MYPN: variants seen among roughly 807,000 people sequenced by gnomAD.
MYPN encodes myopalladin.
In MYPN, 63 loss-of-function variants were observed where a neutral mutation model predicts 129.4. The observed-to-expected ratio is 0.49, with a 90% CI of 0.40 to 0.60. The LOEUF is 0.60. MYPN is among the 20% of genes least tolerant of loss of function. The pLI is 0.00. For missense variants in MYPN, 1,596 were observed against 1,635.4 expected (o/e 0.98, Z 0.42); for synonymous variants, 629 against 600.9 (o/e 1.05, Z -0.68).
chr10:68,170,110 T>C (rs1254850558), intron 10 of MYPN, among the ~76,000 whole-genome samples: 1 of 152,202 alleles, frequency 6.6e-6, no homozygotes, highest in African/African-American at 2.4e-5. Context: ...CAAAATCTGC[T>C]TCTGCCTCTT....
At chr10:68,194,218 T>C in intron 13 of MYPN, 145 bp from the exon 14 acceptor site, 1 of 713,696 alleles carries the variant, frequency 1.4e-6, no homozygotes. Context: ...CCATTTTTAA[T>C]ATGTTTTATA....
In MYPN at chr10:68,188,938, A is replaced by C; in HGVS notation, c.2737A>C (p.Met913Leu). The stretch of plus-strand genomic sequence containing the variant: ...AATTTCAAGCTTTGAGCAGAGGCTG[A>C]TGAATGAAATAGAGTTTCGCTTGGA... Reference protein sequence around the residue: ...YKISSFEQRLMNEIEFRLERT... With the variant: ...YKISSFEQRLLNEIEFRLERT... Residue 913 changes from methionine to leucine, a missense_variant, in exon 13 of 20, where the codon ATG (methionine) becomes CTG (leucine). Coordinates refer to ENST00000358913, the MANE Select transcript of MYPN (RefSeq NM_032578.4). The C allele has an allele frequency of 6.2e-7, 1 of 1,614,102 alleles. No individual in the cohort carries two copies. The highest frequency in any genetic ancestry group is 8.5e-7 in the Non-Finnish European group (1 of 1,180,016).
chr10:68,127,069 C>G (rs537922959), intron 2 of MYPN, among the ~76,000 whole-genome samples: 2 of 152,262 alleles, frequency 1.3e-5, no homozygotes, highest in South Asian at 4.1e-4. Flanking sequence ...ACTGCAACCT[C>G]CACCTCCTGG....
intron 2 of MYPN, chr10:68,136,250 C>G: frequency 1.0e-6 from 1 of 987,134 alleles, no homozygotes; most frequent in Non-Finnish European, 1.2e-6. Flanking sequence ...GCAAGCCATC[C>G]TTGTGCGTGA....
intron 6 of MYPN, among the ~76,000 whole-genome samples, chr10:68,157,400 C>A (rs1451016530): frequency 6.6e-6 from 1 of 152,124 alleles, no homozygotes; most frequent in African/African-American, 2.4e-5. Flanking sequence ...GGCCATAGAA[C>A]CCTTCCACAT....
chr10:68,093,520 C>T (rs1205788134), intron 1 of MYPN, among the ~76,000 whole-genome samples: 1 of 147,850 alleles, frequency 6.8e-6, no homozygotes, highest in Non-Finnish European at 1.5e-5. Flanking sequence ...AGGCAAATCA[C>T]GAGGTCAGCA....
chr10:68,105,479 A>G (rs1025598190), upstream of MYPN, among the ~76,000 whole-genome samples: 5 of 152,238 alleles, frequency 3.3e-5, no homozygotes, highest in African/African-American at 9.6e-5. Context: ...GAGTACATAC[A>G]TGGTAACAAT....
Position 68,210,568 on chromosome 10 carries a change from A to G in MYPN, c.*113A>G. 5.5e-6 allele frequency: 7 copies of G among 1,264,698 alleles called. No individual in the cohort carries two copies. Among genetic ancestry groups the G allele is most frequent in the Non-Finnish European group, 8.0e-6 (7 of 876,266 alleles). The allele number at this position is 1,264,698 out of a possible 1,614,324, so 78.3% of individuals were successfully genotyped here. A position where few individuals can be genotyped will look rare whatever the true frequency, so the allele number is the denominator to read the frequency against. On this transcript the variant is annotated 3_prime_UTR_variant, in exon 20 of 20. Transcript: ENST00000358913. The stretch of plus-strand genomic sequence containing the variant: ...GTTGAGTAAGTTCCCACACTGCTGG[A>G]CCTGTGGCAAAGAGTGCTTTGAATA...
At position 68,109,568 on chromosome 10, in the gene MYPN, C is replaced by T. The variant is rs1200873134; in HGVS notation, c.-157C>T. 3 of 453,970 alleles carry T rather than the reference C, an allele frequency of 6.6e-6. No individual in the cohort carries two copies. Among genetic ancestry groups the T allele is most frequent in the Non-Finnish European group, 1.3e-5 (3 of 226,808 alleles). 28.1% of individuals were successfully genotyped at this position (453,970 alleles called of 1,614,324 possible). A position where few individuals can be genotyped will look rare whatever the true frequency, so the allele number is the denominator to read the frequency against. ...ATCTTCACTGAAACTAAGGTTAACT[C>T]CTCACTCTCTATGGACGGCTACTCT... On this transcript the variant is annotated 5_prime_UTR_variant, in exon 1 of 20. Transcript: ENST00000358913.
rs2255382 is a variant in MYPN at position 68,163,789 on chromosome 10, G to A, written c.1484-1913G>A. Among the ~76,000 whole-genome samples, 842 of 152,276 alleles carry A rather than the reference G, an allele frequency of 5.5e-3. 11 individuals are homozygous for A. The highest frequency in any genetic ancestry group is 0.019 in the African/African-American group (810 of 41,558). ...AGGATCTAGTGCTACGTGACTTTTAGTGACAAAGGAAGTGGGTCAAAGTGC... is the reference window on the plus strand; with the variant it reads ...AGGATCTAGTGCTACGTGACTTTTAATGACAAAGGAAGTGGGTCAAAGTGC... On this transcript the variant is annotated intron_variant, in intron 8 of 19. Coordinates refer to ENST00000358913, the MANE Select transcript of MYPN (RefSeq NM_032578.4).
chr10:68,121,139 G>A (rs2042234674), intron 1 of MYPN, among the ~76,000 whole-genome samples: 1 of 152,162 alleles, frequency 6.6e-6, no homozygotes, highest in Admixed American at 6.5e-5. Context: ...TCAGCTGGGT[G>A]TGGTGGCACA....
intron 1 of MYPN, chr10:68,114,344 T>C (rs1429611156): frequency 7.6e-6 from 1 of 131,206 alleles, no homozygotes; most frequent in Non-Finnish European, 1.6e-5. Flanking sequence ...CTCTTTTTTT[T>C]TTCTTTTTTT....
intron 8 of MYPN, chr10:68,162,024 C>T (rs901280694): frequency 1.4e-5 from 4 of 283,598 alleles, no homozygotes; most frequent in African/African-American, 2.2e-5. Context: ...AAAAATTAGC[C>T]AGGCATAGTG....
chr10:68,116,691 G>A (rs866634627), intron 1 of MYPN, among the ~76,000 whole-genome samples: 10 of 151,864 alleles, frequency 6.6e-5, no homozygotes, highest in South Asian at 2.1e-4. Flanking sequence ...AGCTGAGATC[G>A]TGCCATTGCA....
intron 4 of MYPN, among the ~76,000 whole-genome samples, chr10:68,145,967 T>A (rs1475510271): frequency 6.6e-6 from 1 of 152,216 alleles, no homozygotes; most frequent in Non-Finnish European, 1.5e-5. Context: ...GAGGGCTTCC[T>A]GTCTGCTTCT....
chr10:68,205,677 A>G (rs1359971810), intron 18 of MYPN, among the ~76,000 whole-genome samples: 1 of 151,988 alleles, frequency 6.6e-6, no homozygotes, highest in African/African-American at 2.4e-5. Flanking sequence ...ACAGAGCAAG[A>G]CTCTGTCTCA....
intron 12 of MYPN, among the ~76,000 whole-genome samples, chr10:68,183,554 C>T (rs1234126883): frequency 6.6e-6 from 1 of 152,194 alleles, no homozygotes; most frequent in Admixed American, 6.5e-5. Context: ...GTGTAGTTAG[C>T]CAAGAACTTA....
intron 5 of MYPN, among the ~76,000 whole-genome samples, 199 bp from the exon 6 acceptor site, chr10:68,149,841 T>C (rs2042736987): frequency 6.6e-6 from 1 of 152,112 alleles, no homozygotes; most frequent in South Asian, 2.1e-4. Context: ...GCAGCACATA[T>C]TTTATAGCCA....
rs146483340 is a variant in MYPN at position 68,138,934 on chromosome 10, A to G, written c.903-4006A>G. On this transcript the variant is annotated intron_variant, in intron 2 of 19. Coordinates refer to ENST00000358913, the MANE Select transcript of MYPN (RefSeq NM_032578.4). ...AAAGTTGATGACACCATTTTTTTAC[A>G]TGCTTAGTTCTGTGTTTCTATTGCA... is the stretch of plus-strand genomic sequence containing the variant. Among the ~76,000 whole-genome samples, 138 of 152,166 alleles carry G rather than the reference A, an allele frequency of 9.1e-4. 1 individual carries two copies. The highest frequency in any genetic ancestry group is 3.2e-3 in the African/African-American group (131 of 41,498).
Sources: gnomAD v4.1 joint callset for allele counts (sites outside exome capture counted in the v4.1 genomes callset) on GRCh38, gnomAD v4.1.1 for gene constraint, MANE v1.5 for transcripts, NCBI Gene and HGNC (gene_info 2026-07-23, HGNC 2026-07-21) for gene names.